The following ASIC2 variants were observed in gnomAD, a reference collection of about 807,000 sequenced individuals.
The protein encoded by ASIC2 is acid sensing ion channel subunit 2, also known as acid-sensing ion channel 2.
Under a neutral mutation model 57.3 loss-of-function variants are expected in ASIC2, and 25 were observed. That is an observed-to-expected ratio of 0.44 (90% CI 0.32 to 0.61). ASIC2 has a LOEUF of 0.61. Ranked by LOEUF, ASIC2 falls within the 20% of genes least tolerant of loss-of-function variation. The pLI is 0.06. For synonymous variants in ASIC2, 319 were observed against 307.5 expected (o/e 1.04, Z -0.39); for missense variants, 641 against 738.1 (o/e 0.87, Z 1.52).
intron 1 of ASIC2, among the ~76,000 whole-genome samples, chr17:33,280,746 T>C (rs771531828): frequency 6.6e-6 from 1 of 152,200 alleles, no homozygotes; most frequent in Non-Finnish European, 1.5e-5. Flanking sequence ...TTTGAGGTGG[T>C]TCTATAAATC....
Position 33,024,031 on chromosome 17 carries a change from G to A in ASIC2, c.1196-17C>T, listed in dbSNP as rs373004133. 1.7e-5 allele frequency: 28 copies of A among 1,613,820 alleles called. No individual in the cohort carries two copies. The highest frequency in any genetic ancestry group is 2.7e-5 in the African/African-American group (2 of 74,906). ...CCAACAGACCTGGAGGGGAGAGTGA[G>A]GTGGGGCTTAGTCAGGTGTGGGCAC... is the stretch of plus-strand genomic sequence containing the variant. On this transcript the variant is annotated splice_polypyrimidine_tract_variant and intron_variant, in intron 5 of 9. Coordinates refer to ENST00000225823, the MANE Select transcript of ASIC2 (RefSeq NM_183377.2).
At position 33,122,318 on chromosome 17, in the gene ASIC2, G is replaced by A. The variant is rs114410136; in HGVS notation, c.709-10251C>T. Among the ~76,000 whole-genome samples, 720 of 152,240 alleles carry A rather than the reference G, an allele frequency of 4.7e-3. 3 individuals carry two copies. Among genetic ancestry groups the A allele is most frequent in the African/African-American group, 0.017 (698 of 41,528 alleles). On this transcript the variant is annotated intron_variant, in intron 1 of 9. Transcript: ENST00000225823. ...TGTGGCTCCGAGGCTGCCACGTTCG[G>A]TGGAGCACATCTTAGTCTACGTTCG... is the stretch of plus-strand genomic sequence containing the variant.
chr17:33,732,568 GGCTAACT>G (rs886390693), intron 1 of ASIC2, among the ~76,000 whole-genome samples: 5 of 148,824 alleles, frequency 3.4e-5, no homozygotes, highest in Admixed American at 3.3e-4. Flanking sequence ...GTGCGATCCT[GGCTAACT>G]GCAAGCTCCG....
intron 1 of ASIC2, among the ~76,000 whole-genome samples, chr17:33,578,761 C>T (rs943366598): frequency 6.6e-6 from 1 of 150,796 alleles, no homozygotes; most frequent in African/African-American, 2.5e-5. Flanking sequence ...ACAGCCCCAC[C>T]TGGAAGGTGC....
chr17:33,296,950 A>G (rs552565010), upstream of ASIC2, among the ~76,000 whole-genome samples: 1 of 152,182 alleles, frequency 6.6e-6, no homozygotes, highest in African/African-American at 2.4e-5. Flanking sequence ...AGTGTAATCA[A>G]TTCTATTCTG....
chr17:33,088,723 G>A, intron 3 of ASIC2, 140 bp downstream of exon 3: 1 of 1,252,634 alleles, frequency 8.0e-7, no homozygotes, highest in East Asian at 2.8e-5. Flanking sequence ...GAGAACTGGT[G>A]ACGAAGGTTA....
At chr17:33,307,618 A>C (rs1384051897) in intron 1 of ASIC2, among the ~76,000 whole-genome samples, 2 of 152,112 alleles carry the variant, frequency 1.3e-5, no homozygotes, top group South Asian at 2.1e-4. Flanking sequence ...CCTTCTACTC[A>C]TCTTCTTAGA....
chr17:33,403,006 G>A (rs1178989802), intron 1 of ASIC2, among the ~76,000 whole-genome samples: 5 of 152,200 alleles, frequency 3.3e-5, no homozygotes, highest in African/African-American at 9.7e-5. Flanking sequence ...CTTTTATACT[G>A]TTGGTGGGAT....
chr17:33,351,497 A>G (rs1908178414), intron 1 of ASIC2, among the ~76,000 whole-genome samples: 1 of 152,052 alleles, frequency 6.6e-6, no homozygotes, highest in African/African-American at 2.4e-5. Context: ...ATGTGTCCCT[A>G]TTTACACAGC....
At chr17:33,628,467 T>A (rs1023746050) in intron 1 of ASIC2, among the ~76,000 whole-genome samples, 1 of 140,600 alleles carries the variant, frequency 7.1e-6, no homozygotes, top group Non-Finnish European at 1.5e-5. Flanking sequence ...AGTTTTTAAA[T>A]TTTTTTTTTT....
At chr17:34,034,034 C>A (rs1027240081) in intron 1 of ASIC2, among the ~76,000 whole-genome samples, 1 of 152,158 alleles carries the variant, frequency 6.6e-6, no homozygotes, top group Non-Finnish European at 1.5e-5. Context: ...ATCCTGATAC[C>A]AAAGCCTGGC....
chr17:33,666,244 T>C lies in ASIC2; in HGVS notation c.555+489734A>G, dbSNP rs114129579. The stretch of plus-strand genomic sequence containing the variant: ...TCAATAACTACTACTTGTTGATTGA[T>C]TGACAGATTGCTAGAGGACTGAATT... On this transcript the variant is annotated intron_variant, in intron 1 of 9. Coordinates refer to the ASIC2 transcript ENST00000359872. Among the ~76,000 whole-genome samples, 611 of 152,260 alleles carry C rather than the reference T, an allele frequency of 4.0e-3. 7 individuals carry two copies. The highest frequency in any genetic ancestry group is 0.014 in the African/African-American group (592 of 41,536).
At chr17:33,678,653 AG>A (rs1231859803) in intron 1 of ASIC2, among the ~76,000 whole-genome samples, 1 of 152,102 alleles carries the variant, frequency 6.6e-6, no homozygotes, top group Non-Finnish European at 1.5e-5. Context: ...CTTTTAAATC[AG>A]GATTGCCCTA....
At chr17:34,112,314 C>T (rs1911300687) in intron 1 of ASIC2, among the ~76,000 whole-genome samples, 1 of 152,102 alleles carries the variant, frequency 6.6e-6, no homozygotes, top group Non-Finnish European at 1.5e-5. Context: ...CCAACAAATA[C>T]TGAACTCATC....
intron 1 of ASIC2, among the ~76,000 whole-genome samples, chr17:33,529,351 C>T (rs1914979365): frequency 6.6e-6 from 1 of 152,224 alleles, no homozygotes; most frequent in East Asian, 1.9e-4. Context: ...CTGTGGTACA[C>T]CTGGGGCTGA....
At chr17:33,405,035 A>C (rs942139296) in intron 1 of ASIC2, among the ~76,000 whole-genome samples, 4 of 151,008 alleles carry the variant, frequency 2.6e-5, no homozygotes, top group African/African-American at 9.8e-5. Flanking sequence ...ACGCCAGGAC[A>C]CTCTGGGCTA....
intron 1 of ASIC2, among the ~76,000 whole-genome samples, chr17:33,444,428 G>A (rs1911937882): frequency 6.6e-6 from 1 of 152,212 alleles, no homozygotes; most frequent in African/African-American, 2.4e-5. Context: ...AAATAGTGAG[G>A]AGTGAGTCAG....
chr17:33,673,566 A>C (rs535678448), intron 1 of ASIC2, among the ~76,000 whole-genome samples: 45 of 152,326 alleles, frequency 3.0e-4, no homozygotes, highest in Non-Finnish European at 6.0e-4. Context: ...CTCCAGGACC[A>C]CATATCACCA....
At chr17:33,821,484 G>T (rs1375687272) in intron 1 of ASIC2, among the ~76,000 whole-genome samples, 3 of 152,102 alleles carry the variant, frequency 2.0e-5, no homozygotes, top group Non-Finnish European at 4.4e-5. Context: ...TGTCCAGAAA[G>T]GCCCTGAAAG....
Sources: allele counts gnomAD v4.1 joint callset (sites outside exome capture counted in the v4.1 genomes callset), GRCh38; gene constraint gnomAD v4.1.1; transcripts MANE v1.5; gene names NCBI Gene and HGNC (gene_info 2026-07-23, HGNC 2026-07-21).